The following HEMK2 variants were observed in gnomAD, a reference collection of about 807,000 sequenced individuals.
HEMK2 encodes methyltransferase HEMK2.
the HEMK2 span, among the ~76,000 whole-genome samples, chr21:28,642,353 C>T: frequency 6.6e-6 from 1 of 152,164 alleles, no homozygotes; most frequent in African/African-American, 2.4e-5. Flanking sequence ...CTGGCCACTC[C>T]TCATGGGAGG....
chr21:28,606,479 T>C, the HEMK2 span, among the ~76,000 whole-genome samples: 1 of 152,174 alleles, frequency 6.6e-6, no homozygotes, highest in Middle Eastern at 3.4e-3. Context: ...TACTCTTCAG[T>C]AGAAAATAAC....
chr21:28,607,779 A>G, the HEMK2 span, among the ~76,000 whole-genome samples: 1 of 152,254 alleles, frequency 6.6e-6, no homozygotes, highest in Non-Finnish European at 1.5e-5. Flanking sequence ...ATTACACAAT[A>G]TAGACGATGA....
At chr21:28,665,787 G>A in the HEMK2 span, among the ~76,000 whole-genome samples, 2,453 of 151,986 alleles carry the variant, frequency 0.016, 68 homozygotes, top group African/African-American at 0.054. Context: ...ACATGCACAC[G>A]TATGTTTATT....
At chr21:28,608,654 G>C in the HEMK2 span, among the ~76,000 whole-genome samples, 15 of 152,318 alleles carry the variant, frequency 9.8e-5, no homozygotes, top group African/African-American at 3.6e-4. Flanking sequence ...TTGTAGCCTT[G>C]AGTAAGTTCT....
chr21:28,780,593 G>A, the HEMK2 span, among the ~76,000 whole-genome samples: 1 of 152,194 alleles, frequency 6.6e-6, no homozygotes, highest in African/African-American at 2.4e-5. Flanking sequence ...TTACAGGCGT[G>A]AGCCACCGCG....
chr21:28,615,132 G>C, the HEMK2 span, among the ~76,000 whole-genome samples: 1 of 152,084 alleles, frequency 6.6e-6, no homozygotes, highest in Non-Finnish European at 1.5e-5. Context: ...TTATTTGTCT[G>C]CAAATAAGGG....
the HEMK2 span, among the ~76,000 whole-genome samples, chr21:28,814,901 A>T: frequency 6.6e-6 from 1 of 152,158 alleles, no homozygotes; most frequent in Non-Finnish European, 1.5e-5. Flanking sequence ...AAAGATTATA[A>T]ATCATGCTGC....
At chr21:28,863,410 TTATATATATATATATATA>T in the HEMK2 span, among the ~76,000 whole-genome samples, 832 of 38,884 alleles carry the variant, frequency 0.021, 24 homozygotes, top group South Asian at 0.047. Context: ...AAACTCCCTT[TTATATATATATATATATA>T]TATATATATA....
At chr21:28,851,690 T>G in the HEMK2 span, among the ~76,000 whole-genome samples, 1 of 152,190 alleles carries the variant, frequency 6.6e-6, no homozygotes, top group African/African-American at 2.4e-5. Context: ...TACTTCTCAC[T>G]CACTGGATCC....
the HEMK2 span, among the ~76,000 whole-genome samples, chr21:28,841,077 AT>A: frequency 2.4e-5 from 1 of 41,894 alleles, no homozygotes; most frequent in Non-Finnish European, 3.5e-5. Context: ...AATATTATAT[AT>A]TATATATTAT....
chr21:28,757,758 C>G, the HEMK2 span, among the ~76,000 whole-genome samples: 11 of 152,036 alleles, frequency 7.2e-5, no homozygotes, highest in Non-Finnish European at 1.5e-4. Flanking sequence ...CTAGGATAAG[C>G]GTAGACGTAA....
At chr21:28,608,926 C>T in the HEMK2 span, among the ~76,000 whole-genome samples, 1 of 152,128 alleles carries the variant, frequency 6.6e-6, no homozygotes, top group East Asian at 1.9e-4. Context: ...GAGAGTCTGA[C>T]CTCAGAAATG....
chr21:28,748,171 T>C, the HEMK2 span, among the ~76,000 whole-genome samples: 1 of 152,208 alleles, frequency 6.6e-6, no homozygotes, highest in South Asian at 2.1e-4. Context: ...CCATGCTCAC[T>C]ACCTGGGTGA....
At chr21:28,866,175 A>AAAAAAAAAAAAAAAAAAAAAAAAAAAAAC in the HEMK2 span, among the ~76,000 whole-genome samples, 3 of 76,248 alleles carry the variant, frequency 3.9e-5, 1 homozygote, top group Non-Finnish European at 7.5e-5. Flanking sequence ...CAAAAAAAAA[A>AAAAAAAAAAAAAAAAAAAAAAAAAAAAAC]ACACACACAC....
the HEMK2 span, chr21:28,885,332 T>A: frequency 1.9e-6 from 3 of 1,580,256 alleles, no homozygotes; most frequent in Admixed American, 3.4e-5. Flanking sequence ...CGTAGCGAAG[T>A]TCTCCCCTGC....
the HEMK2 span, among the ~76,000 whole-genome samples, chr21:28,643,737 T>C: frequency 2.0e-5 from 3 of 152,164 alleles, no homozygotes; most frequent in African/African-American, 7.2e-5. Context: ...TCCAAAACTG[T>C]GAGAAATGAA....
At chr21:28,835,361 C>T in the HEMK2 span, among the ~76,000 whole-genome samples, 1 of 152,178 alleles carries the variant, frequency 6.6e-6, no homozygotes, top group Admixed American at 6.5e-5. Flanking sequence ...ACTGCGTAGA[C>T]TCACTGGGTG....
the HEMK2 span, among the ~76,000 whole-genome samples, chr21:28,686,236 T>C: frequency 5.3e-5 from 8 of 152,114 alleles, no homozygotes; most frequent in Admixed American, 5.2e-4. Flanking sequence ...GTTGTTGTTG[T>C]TGCTGTTTGT....
the HEMK2 span, among the ~76,000 whole-genome samples, chr21:28,620,827 C>A: frequency 6.6e-6 from 1 of 151,660 alleles, no homozygotes; most frequent in Admixed American, 6.6e-5. Flanking sequence ...GCACATGCCA[C>A]CACACCCAGC....
Sources: gnomAD v4.1 joint callset for allele counts (sites outside exome capture counted in the v4.1 genomes callset) on GRCh38, gnomAD v4.1.1 for gene constraint, MANE v1.5 for transcripts, NCBI Gene and HGNC (gene_info 2026-07-23, HGNC 2026-07-21) for gene names.